The following ADAMTS12 variants were observed in gnomAD, a reference collection of about 807,000 sequenced individuals.
ADAMTS12 encodes ADAM metallopeptidase with thrombospondin type 1 motif 12, also known as A disintegrin and metalloproteinase with thrombospondin motifs 12.
Under a neutral mutation model 167.8 loss-of-function variants are expected in ADAMTS12, and 118 were observed. The observed-to-expected ratio is 0.70, with a 90% CI of 0.61 to 0.82. The LOEUF (loss-of-function observed/expected upper bound fraction) is 0.82. Ranked by LOEUF, ADAMTS12 falls within the 40% of genes least tolerant of loss-of-function variation. ADAMTS12 has a pLI of 0.00. For synonymous variants in ADAMTS12, 704 were observed against 716.9 expected (o/e 0.98, Z 0.29); for missense variants, 1,916 against 1,998.8 (o/e 0.96, Z 0.79).
At chr5:33,859,165 CACT>C (rs1335653334) in intron 2 of ADAMTS12, among the ~76,000 whole-genome samples, 2 of 152,206 alleles carry the variant, frequency 1.3e-5, no homozygotes, top group Non-Finnish European at 2.9e-5. Flanking sequence ...AAGAACTGTT[CACT>C]TCCCTGGAAA....
chr5:33,811,773 T>G (rs1296508654), intron 2 of ADAMTS12, among the ~76,000 whole-genome samples: 2 of 152,052 alleles, frequency 1.3e-5, no homozygotes, highest in African/African-American at 4.8e-5. Flanking sequence ...GGAAATAAAG[T>G]AGAAGCTGAG....
chr5:33,596,318 T>C (rs901902860), intron 16 of ADAMTS12, among the ~76,000 whole-genome samples: 3 of 152,144 alleles, frequency 2.0e-5, no homozygotes, highest in Admixed American at 6.5e-5. Context: ...GTCTGTTCCA[T>C]AGATTACAGT....
chr5:33,616,057 C>A lies in ADAMTS12; in HGVS notation c.2159G>T (p.Gly720Val). 6.2e-7 allele frequency: 1 copy of A among 1,613,970 alleles called. No homozygotes were observed. The highest frequency in any genetic ancestry group is 1.1e-5 in the South Asian group (1 of 91,076). ...GTCCCTTGCTCCTTTTGGAATGAGC[C>A]CAATGTCAACATAACCTAAAGAGAG... Reference protein sequence around the residue: ...QKEGSGYVDIGLIPKGARDIR... With the variant: ...QKEGSGYVDIVLIPKGARDIR... The change falls in exon 15 of 24, where the codon GGG becomes GTG. Residue 720 changes from glycine (G) to valine (V), a missense_variant. Gly to Val is a moderately radical substitution (Grantham distance 109). Transcript: ENST00000504830.
intron 2 of ADAMTS12, among the ~76,000 whole-genome samples, chr5:33,871,994 T>A (rs572809684): frequency 6.6e-6 from 1 of 152,286 alleles, no homozygotes; most frequent in Non-Finnish European, 1.5e-5. Context: ...ACACAATCTT[T>A]CAAAACACAG....
chr5:33,816,798 G>T (rs377354641), intron 2 of ADAMTS12, among the ~76,000 whole-genome samples: 1 of 152,296 alleles, frequency 6.6e-6, no homozygotes, highest in East Asian at 1.9e-4. Context: ...TTTGTTCTAA[G>T]AGTGAGTAGG....
At chr5:33,722,277 C>T (rs1013646169) in intron 3 of ADAMTS12, among the ~76,000 whole-genome samples, 8 of 152,096 alleles carry the variant, frequency 5.3e-5, no homozygotes, top group African/African-American at 1.4e-4. Flanking sequence ...TTCCAATGGA[C>T]AAGTAGTAAA....
At chr5:33,565,527 G>A (rs183382055) in intron 19 of ADAMTS12, among the ~76,000 whole-genome samples, 19 of 152,274 alleles carry the variant, frequency 1.2e-4, no homozygotes, top group African/African-American at 2.2e-4. Flanking sequence ...CATGAGGGGG[G>A]ACTCTTGCCA....
At chr5:33,827,344 G>C (rs919754383) in intron 2 of ADAMTS12, among the ~76,000 whole-genome samples, 6 of 151,726 alleles carry the variant, frequency 4.0e-5, no homozygotes, top group Admixed American at 3.3e-4. Flanking sequence ...AGAAACAGGG[G>C]CTTCAGTCCT....
intron 2 of ADAMTS12, among the ~76,000 whole-genome samples, chr5:33,789,780 T>C (rs1746457889): frequency 6.6e-6 from 1 of 152,160 alleles, no homozygotes. Context: ...GGAAAGTCCA[T>C]TTCCCCACAG....
chr5:33,791,391 T>C (rs1365993310), intron 2 of ADAMTS12, among the ~76,000 whole-genome samples: 1 of 152,202 alleles, frequency 6.6e-6, no homozygotes, highest in Non-Finnish European at 1.5e-5. Flanking sequence ...CTCAATCTCT[T>C]TCAGCTCTAA....
At chr5:33,597,283 T>G (rs1056484954) in intron 16 of ADAMTS12, among the ~76,000 whole-genome samples, 1 of 152,170 alleles carries the variant, frequency 6.6e-6, no homozygotes, top group African/African-American at 2.4e-5. Flanking sequence ...AAAGGGCTAG[T>G]GCTCACATGT....
intron 20 of ADAMTS12, among the ~76,000 whole-genome samples, chr5:33,551,240 A>G (rs2111840492): frequency 6.6e-6 from 1 of 152,280 alleles, no homozygotes; most frequent in East Asian, 1.9e-4. Flanking sequence ...GATTTCACCA[A>G]GTCACCTGAC....
chr5:33,882,130 A>G (rs949500813), intron 1 of ADAMTS12, among the ~76,000 whole-genome samples: 1 of 152,168 alleles, frequency 6.6e-6, no homozygotes, highest in Non-Finnish European at 1.5e-5. Flanking sequence ...AAGACAAATC[A>G]CAGAGCTTCA....
intron 19 of ADAMTS12, among the ~76,000 whole-genome samples, chr5:33,565,897 A>T (rs1369035242): frequency 2.0e-5 from 3 of 152,194 alleles, no homozygotes; most frequent in Non-Finnish European, 4.4e-5. Context: ...TAAATCAATT[A>T]ACATTTGTCA....
At chr5:33,555,605 G>A (rs1487508502) in intron 20 of ADAMTS12, among the ~76,000 whole-genome samples, 1 of 152,054 alleles carries the variant, frequency 6.6e-6, no homozygotes, top group African/African-American at 2.4e-5. Context: ...ACTGATATAC[G>A]TATTAATTGT....
At position 33,526,559 on chromosome 5, in the gene ADAMTS12, G is replaced by A. The variant is rs1033612641; in HGVS notation, c.*629C>T. 1 of 152,238 alleles carries A rather than the reference G, an allele frequency of 6.6e-6. No homozygotes were observed. Among genetic ancestry groups the A allele is most frequent in the Non-Finnish European group, 1.5e-5 (1 of 68,104 alleles). 9.4% of individuals were successfully genotyped at this position (152,238 alleles called of 1,614,324 possible). A position where few individuals can be genotyped will look rare whatever the true frequency, so the allele number is the denominator to read the frequency against. On this transcript the variant is annotated 3_prime_UTR_variant, in exon 24 of 24. Transcript: ENST00000504830. Reference sequence around the variant, plus strand: ...TTTCCTCTTAGTCTAGTGTCCCAAGGTTGGCAGGAGACTCTAAGCAGCCCA... The same window carrying A: ...TTTCCTCTTAGTCTAGTGTCCCAAGATTGGCAGGAGACTCTAAGCAGCCCA...
chr5:33,660,520 A>G (rs1275659103), intron 6 of ADAMTS12, among the ~76,000 whole-genome samples: 1 of 152,224 alleles, frequency 6.6e-6, no homozygotes, highest in Non-Finnish European at 1.5e-5. Context: ...TCATTTCTTC[A>G]GGTGAGAATG....
intron 2 of ADAMTS12, among the ~76,000 whole-genome samples, chr5:33,831,866 C>T (rs1415352515): frequency 2.0e-5 from 3 of 152,196 alleles, no homozygotes; most frequent in Non-Finnish European, 2.9e-5. Flanking sequence ...TGCTCTATGG[C>T]CGAGGCCACT....
intron 2 of ADAMTS12, among the ~76,000 whole-genome samples, chr5:33,874,064 T>A (rs544034756): frequency 6.6e-6 from 1 of 152,264 alleles, no homozygotes; most frequent in Non-Finnish European, 1.5e-5. Flanking sequence ...ATGAAAGAAA[T>A]AATTGATAAG....
Sources: allele counts gnomAD v4.1 joint callset (sites outside exome capture counted in the v4.1 genomes callset), GRCh38; gene constraint gnomAD v4.1.1; transcripts MANE v1.5; gene names NCBI Gene and HGNC (gene_info 2026-07-23, HGNC 2026-07-21).